The following ADARB2 variants were observed in gnomAD, a reference collection of about 807,000 sequenced individuals.
ADARB2 encodes inactive double-stranded RNA-specific editase B2.
A neutral mutation model predicts 62.2 loss-of-function variants in ADARB2; 25 were observed. That is an observed-to-expected ratio of 0.40 (90% CI 0.29 to 0.56). The LOEUF (loss-of-function observed/expected upper bound fraction) is 0.56, where lower values mean the gene tolerates loss of function less well. Ranked by LOEUF, ADARB2 falls within the 20% of genes least tolerant of loss-of-function variation. ADARB2 has a pLI of 0.43. For missense variants in ADARB2, 1,071 were observed against 1,077.4 expected, an observed-to-expected ratio of 0.99 and a Z score of 0.08; for synonymous variants, 572 against 500.8, an observed-to-expected ratio of 1.14 and a Z score of -1.90.
At chr10:1,380,117 G>T (rs1469256642) in intron 1 of ADARB2, among the ~76,000 whole-genome samples, 2 of 152,196 alleles carry the variant, frequency 1.3e-5, no homozygotes, top group Non-Finnish European at 2.9e-5. Context: ...CAGAGGAGAC[G>T]CCAACAGAGA....
At chr10:1,527,495 A>G (rs903549556) in intron 1 of ADARB2, among the ~76,000 whole-genome samples, 1 of 152,198 alleles carries the variant, frequency 6.6e-6, no homozygotes, top group African/African-American at 2.4e-5. Context: ...TAATCCACAA[A>G]AACTAAATTA....
chr10:1,399,017 G>A (rs549127228), intron 1 of ADARB2, among the ~76,000 whole-genome samples: 1 of 152,236 alleles, frequency 6.6e-6, no homozygotes, highest in Admixed American at 6.5e-5. Flanking sequence ...GTATCAGCGG[G>A]GCCACGACAA....
intron 3 of ADARB2, among the ~76,000 whole-genome samples, chr10:1,318,659 A>C (rs1467366525): frequency 6.6e-6 from 1 of 152,184 alleles, no homozygotes; most frequent in Admixed American, 6.5e-5. Context: ...ATTGATACAA[A>C]GGCTGCTCGA....
chr10:1,360,497 A>C (rs1832242732), intron 3 of ADARB2, among the ~76,000 whole-genome samples: 1 of 152,188 alleles, frequency 6.6e-6, no homozygotes, highest in Non-Finnish European at 1.5e-5. Context: ...GGGGCAGGGC[A>C]AGGAGGAAAA....
chr10:1,571,737 A>AT (rs1204244330), intron 1 of ADARB2, among the ~76,000 whole-genome samples: 7 of 119,652 alleles, frequency 5.9e-5, no homozygotes, highest in Non-Finnish European at 1.0e-4. Flanking sequence ...TGTGCAGGTG[A>AT]ATGGACAGGT....
At chr10:1,629,377 G>A (rs889588492) in intron 1 of ADARB2, among the ~76,000 whole-genome samples, 11 of 152,030 alleles carry the variant, frequency 7.2e-5, no homozygotes, top group African/African-American at 2.7e-4. Context: ...TCATCGTGAT[G>A]GTCAGGACTT....
chr10:1,735,845 C>A (rs1283174867), intron 1 of ADARB2, among the ~76,000 whole-genome samples: 1 of 152,182 alleles, frequency 6.6e-6, no homozygotes, highest in African/African-American at 2.4e-5. Context: ...TTTATGCCTG[C>A]TGACTGTCTG....
chr10:1,230,359 C>T (rs918365937), intron 6 of ADARB2, among the ~76,000 whole-genome samples: 1 of 152,072 alleles, frequency 6.6e-6, no homozygotes, highest in Non-Finnish European at 1.5e-5. Context: ...TGGATGTGTC[C>T]AGCTCCCGCC....
chr10:1,240,393 C>A (rs555041953), intron 5 of ADARB2: 9 of 152,452 alleles, frequency 5.9e-5, no homozygotes, highest in Non-Finnish European at 1.3e-4. Context: ...TACCTTCTGC[C>A]GGTCTTGCTG....
In ADARB2 at chr10:1,672,675, C is replaced by T. The variant is rs75444866; in HGVS notation, c.100+64376G>A. On this transcript the variant is annotated intron_variant, in intron 1 of 9. Coordinates refer to ENST00000381312, the MANE Select transcript of ADARB2 (RefSeq NM_018702.4). ...CCCGCAAGGCTCCTGCCTCCCTCCA[C>T]GCACGCACTTCCCTTTCCTCCTTCC... 4.5e-3 allele frequency among the ~76,000 whole-genome samples: 535 copies of T among 118,082 alleles called. 2 individuals are homozygous for T. Among genetic ancestry groups the T allele is most frequent in the South Asian group, 0.017 (50 of 2,902 alleles). 77.5% of individuals were successfully genotyped at this position (118,082 alleles called of 152,430 possible). A position where few individuals can be genotyped will look rare whatever the true frequency, so the allele number is the denominator to read the frequency against.
At chr10:1,700,301 G>T (rs1267726175) in intron 1 of ADARB2, among the ~76,000 whole-genome samples, 100 of 9,052 alleles carry the variant, frequency 0.011, 6 homozygotes, top group African/African-American at 0.033. Flanking sequence ...GTCAATACAC[G>T]CAATCCCACT....
At chr10:1,558,317 C>A (rs550911721) in intron 1 of ADARB2, among the ~76,000 whole-genome samples, 1 of 142,850 alleles carries the variant, frequency 7.0e-6, no homozygotes, top group East Asian at 2.1e-4. Context: ...CCCCCACGCA[C>A]CCCATCTAAA....
intron 2 of ADARB2, among the ~76,000 whole-genome samples, chr10:1,375,160 G>A (rs376417078): frequency 1.3e-5 from 2 of 152,212 alleles, no homozygotes; most frequent in Non-Finnish European, 2.9e-5. Context: ...CCAGGGCCCA[G>A]GGCCGCCTTT....
chr10:1,473,593 G>T (rs1831356331), intron 1 of ADARB2, among the ~76,000 whole-genome samples: 1 of 152,078 alleles, frequency 6.6e-6, no homozygotes, highest in African/African-American at 2.4e-5. Flanking sequence ...TGTTACCTAG[G>T]CTGCTCTTGA....
At chr10:1,208,238 T>C (rs954771996) in intron 7 of ADARB2, among the ~76,000 whole-genome samples, 1 of 152,248 alleles carries the variant, frequency 6.6e-6, no homozygotes, top group East Asian at 1.9e-4. Flanking sequence ...CACCTGCCAG[T>C]GCCAGCCTCC....
Position 1,667,924 on chromosome 10 carries a change from C to A in ADARB2, c.100+69127G>T, listed in dbSNP as rs1040328148. ...ACACAAGAAAATGGATCAGGTGGGG[C>A]ATCACCTGTGAAGCCTTGTTGGGAA... On this transcript the variant is annotated intron_variant, in intron 1 of 9. Transcript: ENST00000381312. Among the ~76,000 whole-genome samples the A allele has an allele frequency of 2.0e-5, 3 of 152,188 alleles. No homozygotes were observed. In the South Asian group the frequency reaches 6.2e-4, roughly 31 times the overall value.
chr10:1,423,892 C>T (rs1269845393), intron 1 of ADARB2, among the ~76,000 whole-genome samples: 1 of 152,072 alleles, frequency 6.6e-6, no homozygotes, highest in East Asian at 1.9e-4. Context: ...AGTAGGTCCA[C>T]TATGTATGCA....
At chr10:1,451,235 C>G (rs1451214426) in intron 1 of ADARB2, among the ~76,000 whole-genome samples, 1 of 152,210 alleles carries the variant, frequency 6.6e-6, no homozygotes, top group Non-Finnish European at 1.5e-5. Context: ...AATGGTGAAC[C>G]AGCGATACAG....
chr10:1,335,405 G>A (rs954252191), intron 3 of ADARB2, among the ~76,000 whole-genome samples: 1 of 149,884 alleles, frequency 6.7e-6, no homozygotes, highest in African/African-American at 2.5e-5. Context: ...GGTGGATGAC[G>A]GAAGGGATGG....
Sources: allele counts gnomAD v4.1 joint callset (sites outside exome capture counted in the v4.1 genomes callset), GRCh38; gene constraint gnomAD v4.1.1; transcripts MANE v1.5; gene names NCBI Gene and HGNC (gene_info 2026-07-23, HGNC 2026-07-21).